TUBB2A: variants seen among roughly 807,000 people sequenced by gnomAD.
TUBB2A encodes the protein tubulin beta-2A chain.
In TUBB2A, 7 loss-of-function variants were observed where a neutral mutation model predicts 33.9. The observed-to-expected ratio is 0.21, with a 90% CI of 0.12 to 0.39. The LOEUF (loss-of-function observed/expected upper bound fraction) is 0.39, where lower values mean the gene tolerates loss of function less well. Among genes scored for constraint, TUBB2A ranks in the 10% least tolerant of loss-of-function variants. TUBB2A has a pLI of 1.00. For synonymous variants in TUBB2A, 187 were observed against 247.6 expected (o/e 0.76, Z 2.30); for missense variants, 80 against 593.4 (o/e 0.13, Z 8.99).
In TUBB2A at chr6:3,155,094, A is replaced by C. The variant is rs1387535481; in HGVS notation, c.278-171T>G. On this transcript the variant is annotated intron_variant, in intron 3 of 3. Coordinates refer to ENST00000333628, the MANE Select transcript of TUBB2A (RefSeq NM_001069.3). The surrounding 1 kb of genome is among the most constrained non-coding windows in gnomAD (Gnocchi z 4.2). Reference sequence around the variant, plus strand: ...TTTCTATGTCAGTGACCTCAAAAACACTGGGGATCATAATAAAGTAAGAAG... The same window carrying C: ...TTTCTATGTCAGTGACCTCAAAAACCCTGGGGATCATAATAAAGTAAGAAG... The C allele has an allele frequency of 9.6e-6, 14 of 1,457,490 alleles. No homozygotes were observed. Among genetic ancestry groups the C allele is most frequent in the Non-Finnish European group, 1.3e-5 (14 of 1,097,034 alleles). The allele number at this position is 1,457,490 out of a possible 1,614,324, so 90.3% of individuals were successfully genotyped here. A position where few individuals can be genotyped will look rare whatever the true frequency, so the allele number is the denominator to read the frequency against.
In TUBB2A at chr6:3,155,869, A is replaced by G. The variant is rs1188653524; in HGVS notation, c.167-134T>C. On this transcript the variant is annotated intron_variant, in intron 2 of 3. Coordinates refer to ENST00000333628, the MANE Select transcript of TUBB2A (RefSeq NM_001069.3). This position sits in a 1 kb window ranked among gnomAD's most constrained non-coding sequence, Gnocchi z 4.2. ...GAAAAAGGAGGTCCTGAGTGTGCTT[A>G]GCCGTGGCAAACAGGCAGGAATCTT... 7.3e-7 allele frequency: 1 copy of G among 1,364,398 alleles called. No individual in the cohort carries two copies. Among genetic ancestry groups the G allele is most frequent in the Non-Finnish European group, 9.9e-7 (1 of 1,005,566 alleles). 84.5% of individuals were successfully genotyped at this position (1,364,398 alleles called of 1,614,324 possible).
intron 1 of TUBB2A, among the ~76,000 whole-genome samples, chr6:3,156,813 T>A (rs111463487): frequency 3.3e-5 from 5 of 152,258 alleles, no homozygotes; most frequent in Non-Finnish European, 5.9e-5. Flanking sequence ...GTCCTTGTAC[T>A]GGCGCCCGCC....
Position 3,157,397 on chromosome 6 carries a change from G to A in TUBB2A, c.57+10C>T. ...CCCAACCCCGGGCCCCTCCGTGGCG[G>A]TGAGCCCACCTTGGCGCCGATCTGG... On this transcript the variant is annotated intron_variant, in intron 1 of 3. Coordinates refer to ENST00000333628, the MANE Select transcript of TUBB2A (RefSeq NM_001069.3). 6.5e-7 allele frequency: 1 copy of A among 1,527,868 alleles called. No individual in the cohort carries two copies. The highest frequency in any genetic ancestry group is 2.0e-5 in the Admixed American group (1 of 51,274). 94.6% of individuals were successfully genotyped at this position (1,527,868 alleles called of 1,614,324 possible). A position where few individuals can be genotyped will look rare whatever the true frequency, so the allele number is the denominator to read the frequency against.
At position 3,153,744 on chromosome 6, in the gene TUBB2A, A is replaced by G; in HGVS notation, c.*119T>C. ...ATTTTTAGAGGAGTTCCACATCATTACATCAACAGTGTGAATTTCTAACAG... is the reference window on the plus strand; with the variant it reads ...ATTTTTAGAGGAGTTCCACATCATTGCATCAACAGTGTGAATTTCTAACAG... On this transcript the variant is annotated 3_prime_UTR_variant, in exon 4 of 4. Coordinates refer to ENST00000333628, the MANE Select transcript of TUBB2A (RefSeq NM_001069.3). 6.9e-7 allele frequency: 1 copy of G among 1,450,716 alleles called. No individual in the cohort carries two copies. The highest frequency in any genetic ancestry group is 1.3e-5 in the South Asian group (1 of 75,832). 89.9% of individuals were successfully genotyped at this position (1,450,716 alleles called of 1,614,324 possible). A position where few individuals can be genotyped will look rare whatever the true frequency, so the allele number is the denominator to read the frequency against.
chr6:3,155,570 C>G lies in TUBB2A; in HGVS notation c.277+55G>C. The G allele has an allele frequency of 7.2e-7, 1 of 1,383,216 alleles. No homozygotes were observed. Among genetic ancestry groups the G allele is most frequent in the Non-Finnish European group, 1.0e-6 (1 of 984,018 alleles). The allele number at this position is 1,383,216 out of a possible 1,614,324, so 85.7% of individuals were successfully genotyped here. ...ACACTAAGAACTGTGCTTTGCAGGG[C>G]TGTTAGGAAGAAGGTGTGTCATTTG... is the stretch of plus-strand genomic sequence containing the variant. On this transcript the variant is annotated intron_variant, in intron 3 of 3. Transcript: ENST00000333628. The surrounding 1 kb of genome is among the most constrained non-coding windows in gnomAD (Gnocchi z 4.2).
At position 3,154,051 on chromosome 6, in the gene TUBB2A, G is replaced by A; in HGVS notation, c.1150C>T (p.Gln384Ter). Reference sequence around the variant, plus strand: ...TTGCGCCGGAACATGGCCGTGAACTGCTCGGAGATGCGCTTGAACAGCTCC... The same window carrying A: ...TTGCGCCGGAACATGGCCGTGAACTACTCGGAGATGCGCTTGAACAGCTCC... ...IQELFKRISE[Q>*]FTAMFRRKAF... The change falls in exon 4 of 4, where the codon CAG (glutamine) becomes TAG (stop). Residue 384 changes from glutamine to a stop codon, truncating the protein, a stop_gained. Transcript: ENST00000333628. LOFTEE classifies it high-confidence loss of function. The A allele has an allele frequency of 6.4e-7, 1 of 1,562,174 alleles. No homozygotes were observed. The highest frequency in any genetic ancestry group is 8.7e-7 in the Non-Finnish European group (1 of 1,153,534).
Position 3,157,481 on chromosome 6 carries a change from G to C in TUBB2A, c.-18C>G. On this transcript the variant is annotated 5_prime_UTR_variant, in exon 1 of 4. Transcript: ENST00000333628. The stretch of plus-strand genomic sequence containing the variant: ...TCGCGCATGGTGCCGGCTGCGGAGC[G>C]GGTGGCGCTGGCCCTCGGAGCGGTG... 3.3e-6 allele frequency: 5 copies of C among 1,512,352 alleles called. No individual in the cohort carries two copies. Among genetic ancestry groups the C allele is most frequent in the Non-Finnish European group, 4.4e-6 (5 of 1,136,340 alleles). The allele number at this position is 1,512,352 out of a possible 1,614,324, so 93.7% of individuals were successfully genotyped here.
Position 3,155,841 on chromosome 6 carries a change from T to C in TUBB2A, c.167-106A>G. 1 of 1,348,056 alleles carries C rather than the reference T, an allele frequency of 7.4e-7. No individual in the cohort carries two copies. The highest frequency in any genetic ancestry group is 1.0e-6 in the Non-Finnish European group (1 of 984,022). The allele number at this position is 1,348,056 out of a possible 1,614,324, so 83.5% of individuals were successfully genotyped here. On this transcript the variant is annotated intron_variant, in intron 2 of 3. Transcript: ENST00000333628. The surrounding 1 kb of genome is among the most constrained non-coding windows in gnomAD (Gnocchi z 4.2). ...AGGAGAACAGGAGATTTTCTGCTTT[T>C]AAGAAAAAGGAGGTCCTGAGTGTGC...
In TUBB2A at chr6:3,153,913, C is replaced by T. The variant is rs770480973; in HGVS notation, c.1288G>A (p.Ala430Thr). 1 of 1,613,074 alleles carries T rather than the reference C, an allele frequency of 6.2e-7. No individual in the cohort carries two copies. Among genetic ancestry groups the T allele is most frequent in the Non-Finnish European group, 8.5e-7 (1 of 1,179,590 alleles). The change falls in exon 4 of 4, where the codon GCC (alanine) becomes ACC (threonine). Residue 430 changes from alanine to threonine, a missense_variant. By Grantham distance (58) the Ala-to-Thr change is moderately conservative. This residue lies in a region of TUBB2A where 15 missense variants were observed against 23.2 expected (regional missense o/e 0.65). Transcript: ENST00000333628. ...SEYQQYQDAT[A>T]DEQGEFEEEE... ...TCCTCGAACTCCCCTTGTTCGTCGG[C>T]CGTGGCGTCCTGGTACTGCTGGTAC...
At position 3,154,097 on chromosome 6, in the gene TUBB2A, G is replaced by A. The variant is rs752871416; in HGVS notation, c.1104C>T (p.Ile368=). The A allele has an allele frequency of 2.8e-6, 4 of 1,417,196 alleles. No homozygotes were observed. The highest frequency in any genetic ancestry group is 3.8e-6 in the Non-Finnish European group (4 of 1,051,834). 87.8% of individuals were successfully genotyped at this position (1,417,196 alleles called of 1,614,324 possible). Residue 368 remains isoleucine (I), a synonymous_variant, in exon 4 of 4, where the codon ATC becomes ATT. Coordinates refer to ENST00000333628, the MANE Select transcript of TUBB2A (RefSeq NM_001069.3). Reference sequence around the variant, plus strand: ...GCTCCTGGATGGCCGTGCTGTTGCCGATGAAGGTGGCCGACATCTTCAGGC... The same window carrying A: ...GCTCCTGGATGGCCGTGCTGTTGCCAATGAAGGTGGCCGACATCTTCAGGC... The part of the protein sequence containing the change: ...PRGLKMSATF[I]GNSTAIQELF...
intron 1 of TUBB2A, 109 bp from the exon 2 acceptor site, chr6:3,156,261 T>C: frequency 1.6e-6 from 2 of 1,287,356 alleles, no homozygotes; most frequent in Non-Finnish European, 2.1e-6. Flanking sequence ...GTCAGACAGT[T>C]AGTAAGTGCT....
Position 3,153,679 on chromosome 6 carries a change from C to CTT in TUBB2A, c.*182_*183dup, listed in dbSNP as rs1762583656. The CTT allele has an allele frequency of 6.2e-6, 6 of 971,018 alleles. No homozygotes were observed. The highest frequency in any genetic ancestry group is 9.0e-6 in the Non-Finnish European group (6 of 669,290). 60.2% of individuals were successfully genotyped at this position (971,018 alleles called of 1,614,324 possible). On this transcript the variant is annotated 3_prime_UTR_variant, in exon 4 of 4. Transcript: ENST00000333628. ...CAGACCACAAGGTTTTCTACACATG[C>CTT]TTTTTTATTAGTATAGATACCTTCA...
rs747758183 is a variant in TUBB2A, at chr6:3,157,503, G to A, written c.-40C>T. On this transcript the variant is annotated 5_prime_UTR_variant, in exon 1 of 4. Coordinates refer to ENST00000333628, the MANE Select transcript of TUBB2A (RefSeq NM_001069.3). ...AGCGGGTGGCGCTGGCCCTCGGAGC[G>A]GTGCGCGGCGTGGACCGGCGGGCTG... 21 of 1,474,344 alleles carry A rather than the reference G, an allele frequency of 1.4e-5. No homozygotes were observed. The highest frequency in any genetic ancestry group is 2.4e-4 in the Middle Eastern group (1 of 4,134). 91.3% of individuals were successfully genotyped at this position (1,474,344 alleles called of 1,614,324 possible). A position where few individuals can be genotyped will look rare whatever the true frequency, so the allele number is the denominator to read the frequency against.
At position 3,153,747 on chromosome 6, in the gene TUBB2A, TCAA is replaced by T; in HGVS notation, c.*113_*115del. 2 of 1,476,956 alleles carry T rather than the reference TCAA, an allele frequency of 1.4e-6. No individual in the cohort carries two copies. Among genetic ancestry groups the T allele is most frequent in the Non-Finnish European group, 1.8e-6 (2 of 1,084,638 alleles). The allele number at this position is 1,476,956 out of a possible 1,614,324, so 91.5% of individuals were successfully genotyped here. A position where few individuals can be genotyped will look rare whatever the true frequency, so the allele number is the denominator to read the frequency against. ...TTTAGAGGAGTTCCACATCATTACATCAACAGTGTGAATTTCTAACAGAGGCAA... is the reference window on the plus strand; with the variant it reads ...TTTAGAGGAGTTCCACATCATTACATCAGTGTGAATTTCTAACAGAGGCAA... On this transcript the variant is annotated 3_prime_UTR_variant, in exon 4 of 4. Coordinates refer to ENST00000333628, the MANE Select transcript of TUBB2A (RefSeq NM_001069.3).
Position 3,153,732 on chromosome 6 carries a change from T to C in TUBB2A, c.*131A>G. 1 of 1,377,740 alleles carries C rather than the reference T, an allele frequency of 7.3e-7. No homozygotes were observed. Among genetic ancestry groups the C allele is most frequent in the Non-Finnish European group, 9.9e-7 (1 of 1,009,760 alleles). The allele number at this position is 1,377,740 out of a possible 1,614,324, so 85.3% of individuals were successfully genotyped here. On this transcript the variant is annotated 3_prime_UTR_variant, in exon 4 of 4. Transcript: ENST00000333628. ...GACAATACTGTAATTTTTAGAGGAG[T>C]TCCACATCATTACATCAACAGTGTG...
In TUBB2A at chr6:3,155,109, AAAGT is replaced by A. The variant is rs1762609579; in HGVS notation, c.278-190_278-187del. 3.5e-6 allele frequency: 5 copies of A among 1,438,326 alleles called. No homozygotes were observed. The highest frequency in any genetic ancestry group is 5.1e-5 in the Admixed American group (2 of 38,864). The allele number at this position is 1,438,326 out of a possible 1,614,324, so 89.1% of individuals were successfully genotyped here. A position where few individuals can be genotyped will look rare whatever the true frequency, so the allele number is the denominator to read the frequency against. Reference sequence around the variant, plus strand: ...CCTCAAAAACACTGGGGATCATAATAAAGTAAGAAGTAAGTTTAGCTCATCTGAG... The same window carrying A: ...CCTCAAAAACACTGGGGATCATAATAAAGAAGTAAGTTTAGCTCATCTGAG... On this transcript the variant is annotated intron_variant, in intron 3 of 3. Coordinates refer to ENST00000333628, the MANE Select transcript of TUBB2A (RefSeq NM_001069.3). This position sits in a 1 kb window ranked among gnomAD's most constrained non-coding sequence, Gnocchi z 4.2.
Position 3,155,884 on chromosome 6 carries a change from G to A in TUBB2A, c.167-149C>T. 2.1e-6 allele frequency: 3 copies of A among 1,418,712 alleles called. No homozygotes were observed. Among genetic ancestry groups the A allele is most frequent in the Non-Finnish European group, 2.8e-6 (3 of 1,054,756 alleles). The allele number at this position is 1,418,712 out of a possible 1,614,324, so 87.9% of individuals were successfully genotyped here. ...GAGTGTGCTTAGCCGTGGCAAACAG[G>A]CAGGAATCTTAGGAAACCATAAAAC... On this transcript the variant is annotated intron_variant, in intron 2 of 3. Coordinates refer to ENST00000333628, the MANE Select transcript of TUBB2A (RefSeq NM_001069.3). The surrounding 1 kb of genome is among the most constrained non-coding windows in gnomAD (Gnocchi z 4.2).
intron 1 of TUBB2A, among the ~76,000 whole-genome samples, chr6:3,156,553 C>T (rs1253198452): frequency 6.6e-6 from 1 of 152,230 alleles, no homozygotes; most frequent in Non-Finnish European, 1.5e-5. Flanking sequence ...GGGGGACCCA[C>T]TCTGTGGCTG....
At position 3,153,892 on chromosome 6, in the gene TUBB2A, C is replaced by G. The variant is rs369148878; in HGVS notation, c.1309G>C (p.Glu437Gln). Residue 437 changes from glutamate (E) to glutamine (Q), a missense_variant, in exon 4 of 4, where the codon GAG (glutamate) becomes CAG (glutamine). This residue lies in a region of TUBB2A where 15 missense variants were observed against 23.2 expected (regional missense o/e 0.65). Transcript: ENST00000333628. ...DATADEQGEF[E>Q]EEEGEDEA ...GCCTCGTCCTCGCCCTCCTCCTCCT[C>G]GAACTCCCCTTGTTCGTCGGCCGTG... 4.3e-6 allele frequency: 7 copies of G among 1,613,952 alleles called. No individual in the cohort carries two copies. The highest frequency in any genetic ancestry group is 5.1e-6 in the Non-Finnish European group (6 of 1,179,948).
Sources: allele counts gnomAD v4.1 joint callset (sites outside exome capture counted in the v4.1 genomes callset), GRCh38; gene constraint gnomAD v4.1.1; regional missense constraint gnomAD v4.1.1; non-coding constraint Gnocchi (gnomAD v3.1); transcripts MANE v1.5; gene names NCBI Gene and HGNC (gene_info 2026-07-23, HGNC 2026-07-21).